KCNQ5: variants seen among roughly 807,000 people sequenced by gnomAD.
KCNQ5 encodes potassium voltage-gated channel subfamily KQT member 5.
Under a neutral mutation model 98.2 loss-of-function variants are expected in KCNQ5, and 30 were observed. The observed-to-expected ratio is 0.31, with a 90% CI of 0.23 to 0.41. The LOEUF is 0.41. Ranked by LOEUF, KCNQ5 falls within the 10% of genes least tolerant of loss-of-function variation. The pLI is 1.00. For synonymous variants in KCNQ5, 458 were observed against 449.4 expected (o/e 1.02, Z -0.24); for missense variants, 835 against 1,182.5 (o/e 0.71, Z 4.31).
Position 73,002,384 on chromosome 6 carries a change from C to T in KCNQ5, c.399-1524C>T, listed in dbSNP as rs543431979. 1.3e-3 allele frequency among the ~76,000 whole-genome samples: 192 copies of T among 152,232 alleles called. 2 individuals are homozygous for T. Among genetic ancestry groups the T allele is most frequent in the African/African-American group, 4.0e-3 (165 of 41,548 alleles). On this transcript the variant is annotated intron_variant, in intron 1 of 13. Transcript: ENST00000370398. ...CTTAGGTTCTCTTTCTGCTACACAA[C>T]CTTGGAAGAGCTACAAATGTTAATT... is the stretch of plus-strand genomic sequence containing the variant.
intron 6 of KCNQ5, among the ~76,000 whole-genome samples, chr6:73,110,301 CAA>C (rs1268407507): frequency 6.6e-6 from 1 of 152,128 alleles, no homozygotes; most frequent in Non-Finnish European, 1.5e-5. Flanking sequence ...CTAATAAACT[CAA>C]GAGTTAAAGA....
intron 6 of KCNQ5, among the ~76,000 whole-genome samples, chr6:73,110,063 C>T (rs1192149660): frequency 6.6e-6 from 1 of 152,108 alleles, no homozygotes; most frequent in Non-Finnish European, 1.5e-5. Flanking sequence ...AACCCACCAC[C>T]TCTCCAGACA....
rs187824919 is a variant in KCNQ5 at position 73,173,231 on chromosome 6, G to A, written c.1577+3377G>A. Among the ~76,000 whole-genome samples, 761 of 152,272 alleles carry A rather than the reference G, an allele frequency of 5.0e-3. 2 individuals carry two copies. The highest frequency in any genetic ancestry group is 7.9e-3 in the Non-Finnish European group (537 of 68,000). ...GGAAATGCAAAAATGTGCTGGAAATGTGTTTTCAAACTCACCTTTAGGAGT... is the reference window on the plus strand; with the variant it reads ...GGAAATGCAAAAATGTGCTGGAAATATGTTTTCAAACTCACCTTTAGGAGT... On this transcript the variant is annotated intron_variant, in intron 11 of 13. Coordinates refer to ENST00000370398, the MANE Select transcript of KCNQ5 (RefSeq NM_019842.4).
At chr6:72,940,463 G>A (rs1341431186) in intron 1 of KCNQ5, among the ~76,000 whole-genome samples, 2 of 152,034 alleles carry the variant, frequency 1.3e-5, no homozygotes, top group Non-Finnish European at 2.9e-5. Context: ...GCCCCAGCAA[G>A]GGCTGCAACA....
At chr6:72,669,390 T>C (rs1264224116) in intron 1 of KCNQ5, among the ~76,000 whole-genome samples, 6 of 152,298 alleles carry the variant, frequency 3.9e-5, no homozygotes, top group South Asian at 2.1e-4. Flanking sequence ...GGAGAATAAT[T>C]GTCTTTGGCT....
intron 1 of KCNQ5, among the ~76,000 whole-genome samples, chr6:72,818,731 T>C (rs1775616852): frequency 6.6e-6 from 1 of 151,204 alleles, no homozygotes; most frequent in South Asian, 2.1e-4. Flanking sequence ...TCTTTAATAA[T>C]TATAAAGTAT....
At chr6:73,034,263 C>A (rs1400877958) in intron 2 of KCNQ5, among the ~76,000 whole-genome samples, 1 of 152,094 alleles carries the variant, frequency 6.6e-6, no homozygotes, top group East Asian at 1.9e-4. Context: ...GACCTGCTAG[C>A]CCTATGTTAC....
chr6:72,913,387 C>G (rs2150208171), intron 1 of KCNQ5, among the ~76,000 whole-genome samples: 1 of 152,122 alleles, frequency 6.6e-6, no homozygotes, highest in African/African-American at 2.4e-5. Flanking sequence ...AACGTAACTA[C>G]TCCCTAGAGC....
At chr6:72,985,111 CAGG>C (rs1768700913) in intron 1 of KCNQ5, among the ~76,000 whole-genome samples, 1 of 152,126 alleles carries the variant, frequency 6.6e-6, no homozygotes, top group African/African-American at 2.4e-5. Flanking sequence ...GAGGCTGAAG[CAGG>C]AGGATTGCGT....
At position 73,004,050 on chromosome 6, in the gene KCNQ5, A is replaced by G. The variant is rs541105203; in HGVS notation, c.489+52A>G. The G allele has an allele frequency of 2.7e-5, 27 of 1,007,152 alleles. 1 individual carries two copies. The highest frequency in any genetic ancestry group is 1.8e-4 in the African/African-American group (11 of 62,702). The allele number at this position is 1,007,152 out of a possible 1,614,324, so 62.4% of individuals were successfully genotyped here. On this transcript the variant is annotated intron_variant, in intron 2 of 13. Coordinates refer to ENST00000370398, the MANE Select transcript of KCNQ5 (RefSeq NM_019842.4). ...CATGAATGTTGTATAAGAACTGCCT[A>G]TAACATTTATACTATGCATCTTATC...
intron 1 of KCNQ5, among the ~76,000 whole-genome samples, chr6:72,817,276 G>C (rs1050788849): frequency 2.0e-5 from 3 of 152,118 alleles, no homozygotes; most frequent in Non-Finnish European, 4.4e-5. Context: ...AAAAATGGTA[G>C]AGATAAGGCT....
intron 1 of KCNQ5, among the ~76,000 whole-genome samples, chr6:72,759,877 C>G (rs895910339): frequency 6.6e-6 from 1 of 152,086 alleles, no homozygotes; most frequent in Non-Finnish European, 1.5e-5. Context: ...CACACACATT[C>G]ACACACACGC....
chr6:73,184,140 C>T (rs1396405342), intron 11 of KCNQ5, among the ~76,000 whole-genome samples: 1 of 152,180 alleles, frequency 6.6e-6, no homozygotes, highest in Non-Finnish European at 1.5e-5. Context: ...TGTAGTATTA[C>T]ATATTTCTTG....
chr6:73,161,217 A>G (rs1777605026), intron 10 of KCNQ5, among the ~76,000 whole-genome samples: 1 of 152,218 alleles, frequency 6.6e-6, no homozygotes, highest in African/African-American at 2.4e-5. Context: ...ACAGAAAGAA[A>G]TAGATCATAT....
intron 1 of KCNQ5, among the ~76,000 whole-genome samples, chr6:72,691,088 C>CA (rs940072523): frequency 3.3e-5 from 5 of 152,042 alleles, no homozygotes; most frequent in African/African-American, 7.2e-5. Flanking sequence ...AACTTGAACT[C>CA]AAAAATCAGT....
At chr6:72,745,828 C>G (rs78287032) in intron 1 of KCNQ5, among the ~76,000 whole-genome samples, 4,145 of 152,196 alleles carry the variant, frequency 0.027, 157 homozygotes, top group African/African-American at 0.085. Context: ...AGGGAAGAAG[C>G]CTTCCTTGCC....
chr6:73,012,831 A>G (rs979431128), intron 2 of KCNQ5, among the ~76,000 whole-genome samples: 4 of 149,220 alleles, frequency 2.7e-5, no homozygotes, highest in Admixed American at 6.8e-5. Context: ...AATAAAACTA[A>G]AAATTAAAAA....
chr6:72,763,904 A>G (rs1412863038), intron 1 of KCNQ5, among the ~76,000 whole-genome samples: 2 of 152,046 alleles, frequency 1.3e-5, no homozygotes, highest in African/African-American at 2.4e-5. Flanking sequence ...TTGAGAAAGT[A>G]TGTAATCCCT....
At chr6:73,125,905 A>G (rs1284857024) in intron 9 of KCNQ5, among the ~76,000 whole-genome samples, 1 of 152,052 alleles carries the variant, frequency 6.6e-6, no homozygotes, top group Non-Finnish European at 1.5e-5. Flanking sequence ...ATTCTTCCCC[A>G]CCTAAGAAAC....
Sources: gnomAD v4.1 joint callset for allele counts (sites outside exome capture counted in the v4.1 genomes callset) on GRCh38, gnomAD v4.1.1 for gene constraint, MANE v1.5 for transcripts, NCBI Gene and HGNC (gene_info 2026-07-23, HGNC 2026-07-21) for gene names.